Variants in BAG6 observed in about 807,000 individuals in gnomAD.
BAG6 encodes the protein large proline-rich protein BAG6.
A neutral mutation model predicts 121.0 loss-of-function variants in BAG6; 22 were observed. The ratio of observed to expected loss-of-function variants is 0.18; its 90% confidence interval spans 0.13 to 0.26. The LOEUF is 0.26. Ranked by LOEUF, BAG6 falls within the 10% of genes least tolerant of loss-of-function variation. The probability of loss-of-function intolerance (pLI) is 1.00; values close to 1 mark genes in which losing one functional copy is unlikely to be tolerated. For missense variants in BAG6, 1,233 were observed against 1,537.7 expected, an observed-to-expected ratio of 0.80 and a Z score of 3.31; for synonymous variants, 583 against 584.6, an observed-to-expected ratio of 1.00 and a Z score of 0.04.
At chr6:31,651,940 A>C in intron 1 of BAG6, 164 bp from the exon 2 acceptor site, 2 of 565,520 alleles carry the variant, frequency 3.5e-6, no homozygotes, top group Non-Finnish European at 6.4e-6. Context: ...GCACAGGGAG[A>C]GAAACACAAA....
Position 31,640,742 on chromosome 6 carries a change from T to C in BAG6, c.2935-38A>G. ...AGAACACCATACTTCCTCTCAGATC[T>C]CTCCAGTTCTCTCAAGTACCCTGAC... On this transcript the variant is annotated intron_variant, in intron 21 of 25. Coordinates refer to ENST00000676615, the MANE Select transcript of BAG6 (RefSeq NM_001387994.1). The surrounding 1 kb of genome is among the most constrained non-coding windows in gnomAD (Gnocchi z 4.2). 1 of 1,612,834 alleles carries C rather than the reference T, an allele frequency of 6.2e-7. No homozygotes were observed. The highest frequency in any genetic ancestry group is 8.5e-7 in the Non-Finnish European group (1 of 1,179,984).
rs566633766 is a variant in BAG6, at chr6:31,645,351, G to C, written c.1116+56C>G. On this transcript the variant is annotated intron_variant, in intron 9 of 25. Transcript: ENST00000676615. ...CTCCTTCAGGCCCAGTAGCTACCCT[G>C]GGTCACTCTATCAACACCCCTCACT... 26 of 1,611,786 alleles carry C rather than the reference G, an allele frequency of 1.6e-5. No individual in the cohort carries two copies. In the African/African-American group the frequency reaches 3.5e-4, roughly 21 times the overall value.
Position 31,649,179 on chromosome 6 carries a change from C to T in BAG6, c.423+20G>A. ...CCAAAGCTACCCACAAAAGCCCTCC[C>T]CTGTGGAACATAAGCTTACAGGAAG... On this transcript the variant is annotated intron_variant, in intron 4 of 25. Coordinates refer to ENST00000676615, the MANE Select transcript of BAG6 (RefSeq NM_001387994.1). 1 of 1,612,558 alleles carries T rather than the reference C, an allele frequency of 6.2e-7. No individual in the cohort carries two copies. The highest frequency in any genetic ancestry group is 2.2e-5 in the East Asian group (1 of 44,892).
intron 15 of BAG6, 22 bp downstream of exon 15, chr6:31,642,807 G>A (rs1343960730): frequency 6.2e-7 from 1 of 1,606,682 alleles, no homozygotes; most frequent in Non-Finnish European, 8.5e-7. Context: ...AAGATGAGGT[G>A]AATGGCAAGC....
rs191917970 is a variant in BAG6, at chr6:31,642,459, G to A, written c.2044-56C>T. Reference sequence around the variant, plus strand: ...AAGTGAGGTGAGAATGAAGACACACGGAAATAATACGGCATCAAGAGGGCA... The same window carrying A: ...AAGTGAGGTGAGAATGAAGACACACAGAAATAATACGGCATCAAGAGGGCA... On this transcript the variant is annotated intron_variant, in intron 15 of 25. Coordinates refer to ENST00000676615, the MANE Select transcript of BAG6 (RefSeq NM_001387994.1). The A allele has an allele frequency of 1.9e-4, 155 of 816,566 alleles. No homozygotes were observed. In the African/African-American group the frequency reaches 2.2e-3, roughly 12 times the overall value. 50.6% of individuals were successfully genotyped at this position (816,566 alleles called of 1,614,324 possible).
chr6:31,641,418 A>G lies in BAG6; in HGVS notation c.2564T>C (p.Leu855Ser). ...GTCCACACCTGGCTGAACCTGCACC[A>G]AGGACTGAGAGACAAGATAACACAA... ...LEEYVRESFS[L>S]VQVQPGVDII... Residue 855 changes from leucine (L) to serine (S), a missense_variant, in exon 19 of 26, where the codon TTG becomes TCG. Physicochemically the swap from Leu to Ser is moderately radical, Grantham distance 145. Transcript: ENST00000676615. The surrounding 1 kb of genome is among the most constrained non-coding windows in gnomAD (Gnocchi z 5.7). 6.2e-7 allele frequency: 1 copy of G among 1,614,236 alleles called. No individual in the cohort carries two copies. Among genetic ancestry groups the G allele is most frequent in the African/African-American group, 1.3e-5 (1 of 75,060 alleles).
At chr6:31,646,620 T>TCCCAGAGCCCTGGCCC in intron 7 of BAG6, 97 bp from the exon 8 acceptor site, 2 of 1,500,572 alleles carry the variant, frequency 1.3e-6, no homozygotes, top group Non-Finnish European at 1.8e-6. Context: ...CTCCCTGGTC[T>TCCCAGAGCCCTGGCCC]CCCAGAGCCC....
intron 14 of BAG6, 53 bp downstream of exon 14, chr6:31,643,837 G>A: frequency 1.9e-6 from 3 of 1,572,514 alleles, no homozygotes; most frequent in African/African-American, 1.4e-5. Flanking sequence ...AAGTGCCAGT[G>A]AGCAGACTAG....
rs372353846 is a variant in BAG6, at chr6:31,640,189, G to A, written c.3246+10C>T. The A allele has an allele frequency of 1.2e-6, 2 of 1,613,682 alleles. No homozygotes were observed. The highest frequency in any genetic ancestry group is 1.7e-6 in the Non-Finnish European group (2 of 1,179,802). On this transcript the variant is annotated intron_variant, in intron 24 of 25. Coordinates refer to ENST00000676615, the MANE Select transcript of BAG6 (RefSeq NM_001387994.1). This position sits in a 1 kb window ranked among gnomAD's most constrained non-coding sequence, Gnocchi z 4.2. Reference sequence around the variant, plus strand: ...ATAGAGAGAGAGGCTTAGGGAAGAGGAAAACCAACCTTGCGTCTCTTGGCA... The same window carrying A: ...ATAGAGAGAGAGGCTTAGGGAAGAGAAAAACCAACCTTGCGTCTCTTGGCA...
intron 1 of BAG6, chr6:31,651,994 G>A (rs1023859828): frequency 2.0e-6 from 1 of 497,480 alleles, no homozygotes. Flanking sequence ...ACGAGAGGTG[G>A]GAGGGGCTCC....
chr6:31,643,595 G>A (rs1056821160), intron 14 of BAG6, among the ~76,000 whole-genome samples: 1 of 151,398 alleles, frequency 6.6e-6, no homozygotes, highest in African/African-American at 2.4e-5. Flanking sequence ...GTGGTGGCGT[G>A]CACCTGTAGT....
chr6:31,647,284 G>T (rs1257344686), intron 7 of BAG6, among the ~76,000 whole-genome samples: 2 of 152,144 alleles, frequency 1.3e-5, no homozygotes, highest in South Asian at 4.1e-4. Context: ...CCACAATCCT[G>T]CACCTACAAT....
intron 2 of BAG6, among the ~76,000 whole-genome samples, chr6:31,651,315 C>G (rs1796441421): frequency 6.6e-6 from 1 of 152,170 alleles, no homozygotes; most frequent in Non-Finnish European, 1.5e-5. Flanking sequence ...GAGGAGGGCA[C>G]ATCACCTGAG....
chr6:31,651,746 A>T lies in BAG6; in HGVS notation c.18T>A (p.Ser6Arg). The change falls in exon 2 of 26, where the codon AGT becomes AGA. Residue 6 changes from serine (S) to arginine (R), a missense_variant. By Grantham distance (110) the Ser-to-Arg change is moderately radical. Around this residue, in one of 7 missense-constraint regions of BAG6, gnomAD observed 25 missense variants for 16.5 expected, o/e 1.52. Transcript: ENST00000676615. ...CAGGCTCCTCCACAGCGGTACTGGTACTATCATTAGGCTCCATGGCCGACA... is the reference window on the plus strand; with the variant it reads ...CAGGCTCCTCCACAGCGGTACTGGTTCTATCATTAGGCTCCATGGCCGACA... Reference protein sequence around the residue: MEPNDSTSTAVEEPDS... With the variant: MEPNDRTSTAVEEPDS... 2 of 1,613,038 alleles carry T rather than the reference A, an allele frequency of 1.2e-6. No homozygotes were observed. Among genetic ancestry groups the T allele is most frequent in the Non-Finnish European group, 1.7e-6 (2 of 1,179,990 alleles).
chr6:31,641,348 G>A lies in BAG6; in HGVS notation c.2634C>T (p.Ser878=). Residue 878 remains serine, a synonymous_variant, in exon 19 of 26, where the codon AGC becomes AGT. Transcript: ENST00000676615. The surrounding 1 kb of genome is among the most constrained non-coding windows in gnomAD (Gnocchi z 5.7). Reference sequence around the variant, plus strand: ...TGCAATGCAGCACATGCGCAGCAATGCTATTAAACTGCTCTTGGAGAAATT... The same window carrying A: ...TGCAATGCAGCACATGCGCAGCAATACTATTAAACTGCTCTTGGAGAAATT... ...NLEFLQEQFN[S]IAAHVLHCTD... is the part of the protein sequence containing the mutation. 1 of 1,614,252 alleles carries A rather than the reference G, an allele frequency of 6.2e-7. No homozygotes were observed. The highest frequency in any genetic ancestry group is 8.5e-7 in the Non-Finnish European group (1 of 1,180,054).
rs772171866 is a variant in BAG6 at position 31,639,666 on chromosome 6, G to A, written c.3247-20C>T. 7 of 1,591,684 alleles carry A rather than the reference G, an allele frequency of 4.4e-6. No homozygotes were observed. Among genetic ancestry groups the A allele is most frequent in the Non-Finnish European group, 6.0e-6 (7 of 1,167,586 alleles). On this transcript the variant is annotated intron_variant, in intron 24 of 25. Coordinates refer to ENST00000676615, the MANE Select transcript of BAG6 (RefSeq NM_001387994.1). ...CATCGTCTGGGGGACAGGGGGTTGG[G>A]AGGGAAAAGAGGATCAACGTCAGAT... is the stretch of plus-strand genomic sequence containing the variant.
rs1439152670 is a variant in BAG6 at position 31,639,245 on chromosome 6, C to G, written c.3394-19G>C. On this transcript the variant is annotated intron_variant, in intron 25 of 25. Coordinates refer to ENST00000676615, the MANE Select transcript of BAG6 (RefSeq NM_001387994.1). ...ACCGGAGCTAAAGAGAAAAAGTAAG[C>G]AGGTTGGAGAAACGCTGGCCAAGTC... The G allele has an allele frequency of 1.9e-6, 3 of 1,606,712 alleles. No individual in the cohort carries two copies. The highest frequency in any genetic ancestry group is 2.6e-6 in the Non-Finnish European group (3 of 1,175,354).
chr6:31,644,862 C>T lies in BAG6; in HGVS notation c.1369+84G>A. On this transcript the variant is annotated intron_variant, in intron 10 of 25. Coordinates refer to ENST00000676615, the MANE Select transcript of BAG6 (RefSeq NM_001387994.1). The surrounding 1 kb of genome is among the most constrained non-coding windows in gnomAD (Gnocchi z 4.9). Reference sequence around the variant, plus strand: ...TACCACCACCAGCATGTGCCTCTCCCTTCCCCACCCTGTTCCCTCACACCT... The same window carrying T: ...TACCACCACCAGCATGTGCCTCTCCTTTCCCCACCCTGTTCCCTCACACCT... 1 of 1,528,382 alleles carries T rather than the reference C, an allele frequency of 6.5e-7. No homozygotes were observed. The highest frequency in any genetic ancestry group is 8.8e-7 in the Non-Finnish European group (1 of 1,138,510). 94.7% of individuals were successfully genotyped at this position (1,528,382 alleles called of 1,614,324 possible).
Position 31,643,921 on chromosome 6 carries a change from C to T in BAG6, c.1725G>A (p.Val575=). 6.2e-7 allele frequency: 1 copy of T among 1,613,546 alleles called. No homozygotes were observed. The highest frequency in any genetic ancestry group is 8.5e-7 in the Non-Finnish European group (1 of 1,180,010). The stretch of plus-strand genomic sequence containing the variant: ...GGACTGGCTGCATAAGAAGCTGCCC[C>T]ACAAGGCCGCTCACCATCTGGGCCA... ...ASLAQMVSGL[V]GQLLMQPVLV... Residue 575 remains valine (V), a synonymous_variant, in exon 14 of 26, where the codon GTG becomes GTA. Coordinates refer to ENST00000676615, the MANE Select transcript of BAG6 (RefSeq NM_001387994.1).
Sources: gnomAD v4.1 joint callset for allele counts (sites outside exome capture counted in the v4.1 genomes callset) on GRCh38, gnomAD v4.1.1 for gene constraint, gnomAD v4.1.1 regional missense constraint, Gnocchi (gnomAD v3.1) non-coding constraint, MANE v1.5 for transcripts, NCBI Gene and HGNC (gene_info 2026-07-23, HGNC 2026-07-21) for gene names.